The following ZNF483 variants were observed in gnomAD, a reference collection of about 807,000 sequenced individuals.
ZNF483 encodes the protein zinc finger protein HIT-10.
A neutral mutation model predicts 28.6 loss-of-function variants in ZNF483; 9 were observed. The ratio of observed to expected loss-of-function variants is 0.32; its 90% CI spans 0.19 to 0.55. The LOEUF (loss-of-function observed/expected upper bound fraction) is 0.55. Among genes scored for constraint, ZNF483 ranks in the 20% least tolerant of loss-of-function variants. The probability of loss-of-function intolerance (pLI) is 0.93; values close to 1 mark genes in which losing one functional copy is unlikely to be tolerated. For synonymous variants in ZNF483, 322 were observed against 306.2 expected (o/e 1.05, Z -0.54); for missense variants, 675 against 871.7 (o/e 0.77, Z 2.84).
In ZNF483 at chr9:111,547,236, G is replaced by A. The variant is rs1327610081; in HGVS notation, c.*4066G>A. 2.6e-5 allele frequency among the ~76,000 whole-genome samples: 4 copies of A among 152,124 alleles called. No individual in the cohort carries two copies. The highest frequency in any genetic ancestry group is 9.6e-5 in the African/African-American group (4 of 41,460). ...TCTATATTTAACTTCTTGAGGAAGT[G>A]CAACTACACTATTTTAAATTCCCAC... is the stretch of plus-strand genomic sequence containing the variant. On this transcript the variant is annotated 3_prime_UTR_variant, in exon 6 of 6. Transcript: ENST00000309235.
In ZNF483 at chr9:111,549,536, A is replaced by T. The variant is rs755485449; in HGVS notation, c.*6366A>T. Among the ~76,000 whole-genome samples, 11 of 152,106 alleles carry T rather than the reference A, an allele frequency of 7.2e-5. No individual in the cohort carries two copies. Among genetic ancestry groups the T allele is most frequent in the Non-Finnish European group, 1.5e-4 (10 of 68,020 alleles). Reference sequence around the variant, plus strand: ...AAGTCTGATGTTGAGAGGTTCTTCCAGGTTGGAGTTCTCAGGTCTGTCTCC... The same window carrying T: ...AAGTCTGATGTTGAGAGGTTCTTCCTGGTTGGAGTTCTCAGGTCTGTCTCC... On this transcript the variant is annotated 3_prime_UTR_variant, in exon 6 of 6. Transcript: ENST00000309235.
rs1162525729 is a variant in ZNF483 at position 111,554,941 on chromosome 9, C to T, written c.*11771C>T. The stretch of plus-strand genomic sequence containing the variant: ...TTTTTGCCTTTGGGACCCTAAATGT[C>T]AGTGCCTGTTAATTTTTCTTTGAGA... On this transcript the variant is annotated 3_prime_UTR_variant, in exon 6 of 6. Coordinates refer to ENST00000309235, the MANE Select transcript of ZNF483 (RefSeq NM_133464.5). 6.6e-6 allele frequency among the ~76,000 whole-genome samples: 1 copy of T among 152,140 alleles called. No individual in the cohort carries two copies. Among genetic ancestry groups the T allele is most frequent in the Non-Finnish European group, 1.5e-5 (1 of 68,024 alleles).
chr9:111,573,589 G>C (rs1241123762), intron 5 of ZNF483, among the ~76,000 whole-genome samples: 1 of 152,000 alleles, frequency 6.6e-6, no homozygotes, highest in African/African-American at 2.4e-5. Context: ...TTTTGGGGGG[G>C]GACCATAGGT....
intron 5 of ZNF483, among the ~76,000 whole-genome samples, chr9:111,565,183 C>T (rs1828501912): frequency 6.6e-6 from 1 of 151,862 alleles, no homozygotes; most frequent in Admixed American, 6.6e-5. Flanking sequence ...ATCAATATGA[C>T]TGGTGTGCTT....
intron 2 of ZNF483, 94 bp downstream of exon 2, chr9:111,527,901 A>G (rs1309619620): frequency 6.3e-7 from 1 of 1,598,050 alleles, no homozygotes. Context: ...GCTAAAGAGG[A>G]GTCTGAGGTT....
chr9:111,561,110 TAGAGAGAG>T (rs1159365134), intron 5 of ZNF483, among the ~76,000 whole-genome samples: 2 of 19,198 alleles, frequency 1.0e-4, no homozygotes, highest in Admixed American at 1.2e-3. Context: ...TATATATATA[TAGAGAGAG>T]AGAGAGAGAG....
At chr9:111,559,598 TCA>T (rs1037774997), downstream of ZNF483, among the ~76,000 whole-genome samples, 2 of 149,934 alleles carry the variant, frequency 1.3e-5, no homozygotes, top group Admixed American at 1.3e-4. Context: ...ACACACACAC[TCA>T]CACACACACA....
In ZNF483 at chr9:111,570,163, A is replaced by C. The variant is rs377445072; in HGVS notation, c.722-6202A>C. 289 of 1,614,112 alleles carry C rather than the reference A, an allele frequency of 1.8e-4. 11 individuals carry two copies. The East Asian group carries it at 2.2e-3, about 12-fold the overall frequency. On this transcript the variant is annotated intron_variant, in intron 5 of 5. Coordinates refer to the ZNF483 transcript ENST00000358151. ...CTCCTTGCCAGCGGTAGACGACAAAAGCTTCCATGCGAAGCTCCTGATAGA... is the reference window on the plus strand; with the variant it reads ...CTCCTTGCCAGCGGTAGACGACAAACGCTTCCATGCGAAGCTCCTGATAGA...
Position 111,542,137 on chromosome 9 carries a change from G to A in ZNF483, c.1202G>A (p.Arg401Lys). 2 of 1,614,028 alleles carry A rather than the reference G, an allele frequency of 1.2e-6. No homozygotes were observed. The highest frequency in any genetic ancestry group is 1.1e-5 in the South Asian group (1 of 91,084). Residue 401 changes from arginine to lysine, a missense_variant, in exon 6 of 6, where the codon AGA (arginine) becomes AAA (lysine). Physicochemically the swap from Arg to Lys is conservative, Grantham distance 26 (BLOSUM62 2). This residue lies in a region of ZNF483 where 525 missense variants were observed against 581.8 expected (regional missense o/e 0.90). Transcript: ENST00000309235. This position sits in a 1 kb window ranked among gnomAD's most constrained non-coding sequence, Gnocchi z 6.2. ...AGTAAGTGTGGGATAATCTTTATTA[G>A]AAGATCAACTCTTTCTAGGAGAAAA... ...KCSKCGIIFI[R>K]RSTLSRRKTP...
chr9:111,559,358 C>G (rs1228175336), downstream of ZNF483, among the ~76,000 whole-genome samples: 2 of 151,846 alleles, frequency 1.3e-5, no homozygotes, highest in Non-Finnish European at 2.9e-5. Flanking sequence ...CCAGGCAGCC[C>G]TGCGATTCCA....
intron 5 of ZNF483, among the ~76,000 whole-genome samples, chr9:111,572,744 G>A (rs183875240): frequency 4.9e-5 from 5 of 102,434 alleles, no homozygotes; most frequent in South Asian, 6.4e-4. Context: ...GCAACAAAGC[G>A]AGACCCTGTC....
intron 5 of ZNF483, among the ~76,000 whole-genome samples, chr9:111,561,426 C>T (rs1015584133): frequency 3.3e-5 from 5 of 152,044 alleles, no homozygotes; most frequent in African/African-American, 1.2e-4. Context: ...TAGGCACACA[C>T]CATGCCCAGC....
chr9:111,573,378 A>C (rs1828915109), intron 5 of ZNF483, among the ~76,000 whole-genome samples: 1 of 152,150 alleles, frequency 6.6e-6, no homozygotes, highest in South Asian at 2.1e-4. Flanking sequence ...GGGAATCTAC[A>C]AGTTGCCCTT....
rs1453029901 is a variant in ZNF483 at position 111,553,267 on chromosome 9, A to G, written c.*10097A>G. On this transcript the variant is annotated 3_prime_UTR_variant, in exon 6 of 6. Transcript: ENST00000309235. ...TGCCATTCATCATTAAATGTGCACT[A>G]TACTGTCTCTAGTCTTCTTGACTAT... Among the ~76,000 whole-genome samples, 1 of 152,202 alleles carries G rather than the reference A, an allele frequency of 6.6e-6. No individual in the cohort carries two copies. Among genetic ancestry groups the G allele is most frequent in the Admixed American group, 6.5e-5 (1 of 15,290 alleles).
intron 5 of ZNF483, chr9:111,574,772 GC>G: frequency 6.2e-7 from 1 of 1,613,884 alleles, no homozygotes; most frequent in Non-Finnish European, 8.5e-7. Context: ...TGTAGAGATG[GC>G]TCCACATATG....
At position 111,552,206 on chromosome 9, in the gene ZNF483, G is replaced by C. The variant is rs1477391505; in HGVS notation, c.*9036G>C. 6.6e-6 allele frequency among the ~76,000 whole-genome samples: 1 copy of C among 152,158 alleles called. No individual in the cohort carries two copies. Among genetic ancestry groups the C allele is most frequent in the Non-Finnish European group, 1.5e-5 (1 of 68,024 alleles). ...AGGAAATCTTGAATTGGATTTTCTA[G>C]TACAGGAAATCCTTATAAAATTCTT... On this transcript the variant is annotated 3_prime_UTR_variant, in exon 6 of 6. Transcript: ENST00000309235.
intron 5 of ZNF483, chr9:111,574,747 G>A: frequency 6.2e-7 from 1 of 1,612,412 alleles, no homozygotes; most frequent in Middle Eastern, 1.7e-4. Context: ...GGGGAAGTGG[G>A]CCGGTTCTGT....
intron 5 of ZNF483, among the ~76,000 whole-genome samples, chr9:111,539,957 C>T (rs1278151301): frequency 1.3e-5 from 2 of 151,956 alleles, no homozygotes; most frequent in Admixed American, 6.6e-5. Context: ...CAGGGAGACC[C>T]CATCTCTACA....
intron 2 of ZNF483, among the ~76,000 whole-genome samples, chr9:111,528,464 TATC>T (rs1827235256): frequency 6.6e-6 from 1 of 152,336 alleles, no homozygotes; most frequent in East Asian, 1.9e-4. Flanking sequence ...ATTACGGTGA[TATC>T]ATTATAAAAT....
Sources: gnomAD v4.1 joint callset for allele counts (sites outside exome capture counted in the v4.1 genomes callset) on GRCh38, gnomAD v4.1.1 for gene constraint, gnomAD v4.1.1 regional missense constraint, Gnocchi (gnomAD v3.1) non-coding constraint, MANE v1.5 for transcripts, NCBI Gene and HGNC (gene_info 2026-07-23, HGNC 2026-07-21) for gene names.